WNT7B: variants seen among roughly 807,000 people sequenced by gnomAD.
The protein encoded by WNT7B is protein Wnt-7b.
WNT7B carries 19 observed loss-of-function variants against 38.2 expected under a neutral mutation model. That is an observed-to-expected ratio of 0.50 (90% confidence interval 0.35 to 0.73). WNT7B has a LOEUF of 0.73. WNT7B is among the 30% of genes least tolerant of loss of function. WNT7B has a pLI of 0.01. For synonymous variants in WNT7B, 243 were observed against 209.3 expected, an observed-to-expected ratio of 1.16 and a Z score of -1.39; for missense variants, 423 against 507.9, an observed-to-expected ratio of 0.83 and a Z score of 1.61.
At chr22:45,959,361 C>T (rs987735568) in intron 1 of WNT7B, among the ~76,000 whole-genome samples, 4 of 152,136 alleles carry the variant, frequency 2.6e-5, no homozygotes, top group Non-Finnish European at 5.9e-5. Context: ...CCACGGTCCA[C>T]GTCAGGGCCC....
At chr22:45,963,475 G>T (rs1932241105) in intron 1 of WNT7B, among the ~76,000 whole-genome samples, 1 of 152,156 alleles carries the variant, frequency 6.6e-6, no homozygotes, top group African/African-American at 2.4e-5. Flanking sequence ...GTGGCCCGAG[G>T]TCCTGAGTGC....
rs758319832 is a variant in WNT7B, at chr22:45,922,834, G to A, written c.*22C>T. 27 of 1,576,878 alleles carry A rather than the reference G, an allele frequency of 1.7e-5. No individual in the cohort carries two copies. Among genetic ancestry groups the A allele is most frequent in the African/African-American group, 6.7e-5 (5 of 74,256 alleles). On this transcript the variant is annotated 3_prime_UTR_variant, in exon 4 of 4. Transcript: ENST00000339464. ...AATGCCGCCGGGTTCCAGGGTGCCC[G>A]CGGCCGCCTCCGGGCCTGGCCTCAC...
chr22:45,925,494 GGGCCAA>G, intron 3 of WNT7B: 1 of 985,294 alleles, frequency 1.0e-6, no homozygotes, highest in Non-Finnish European at 1.2e-6. Context: ...AGGGGCATCT[GGGCCAA>G]GGTCATGGGC....
Position 45,923,039 on chromosome 22 carries a change from C to A in WNT7B, c.867G>T (p.Thr289=), listed in dbSNP as rs536947382. The change falls in exon 4 of 4, where the codon ACG becomes ACT. Residue 289 remains threonine, a synonymous_variant. Coordinates refer to ENST00000339464, the MANE Select transcript of WNT7B (RefSeq NM_058238.3). ...EEDAATGSVG[T]QGRLCNRTSP... ...ACGTGCGGTTGCAGAGACGGCCCTG[C>A]GTGCCCACGCTGCCCGTGGCCGCGT... 6 of 1,612,612 alleles carry A rather than the reference C, an allele frequency of 3.7e-6. No homozygotes were observed. Among genetic ancestry groups the A allele is most frequent in the Non-Finnish European group, 5.1e-6 (6 of 1,179,510 alleles).
intron 1 of WNT7B, among the ~76,000 whole-genome samples, chr22:45,967,764 C>T (rs1481313027): frequency 6.6e-6 from 1 of 152,142 alleles, no homozygotes; most frequent in African/African-American, 2.4e-5. Context: ...CACTGTGTCC[C>T]CAGAGGAGCC....
intron 3 of WNT7B, chr22:45,927,286 T>C: frequency 2.0e-6 from 2 of 985,270 alleles, no homozygotes; most frequent in Non-Finnish European, 1.2e-6. Flanking sequence ...CGGCAGCCCA[T>C]TAAAGGTCAC....
Position 45,973,462 on chromosome 22 carries a change from G to A in WNT7B, c.71+3222C>T, listed in dbSNP as rs190672687. Among the ~76,000 whole-genome samples, 823 of 152,304 alleles carry A rather than the reference G, an allele frequency of 5.4e-3. 5 individuals carry two copies. Among genetic ancestry groups the A allele is most frequent in the Admixed American group, 9.6e-3 (147 of 15,306 alleles). ...GTGGAGGCTCATCATCCAGGAGGAA[G>A]CAGCCACTTCCTCCACCTTCATCCC... On this transcript the variant is annotated intron_variant, in intron 1 of 3. Coordinates refer to ENST00000339464, the MANE Select transcript of WNT7B (RefSeq NM_058238.3).
chr22:45,952,939 T>A (rs1463096557), intron 1 of WNT7B, among the ~76,000 whole-genome samples: 7 of 152,226 alleles, frequency 4.6e-5, no homozygotes, highest in Admixed American at 4.6e-4. Context: ...CCCAGCTGTG[T>A]CTGCTGGTCC....
intron 2 of WNT7B, among the ~76,000 whole-genome samples, 183 bp from the exon 3 acceptor site, chr22:45,931,552 C>T (rs1931360721): frequency 6.6e-6 from 1 of 152,186 alleles, no homozygotes; most frequent in African/African-American, 2.4e-5. Context: ...TCTCTCAGGG[C>T]TATGGTAGGG....
At chr22:45,935,784 C>T (rs776315788) in intron 2 of WNT7B, 17 of 981,340 alleles carry the variant, frequency 1.7e-5, no homozygotes, top group African/African-American at 1.2e-4. Context: ...GAAAACCGAG[C>T]CTTCAAAGCA....
At chr22:45,957,918 C>G (rs1932110475) in intron 1 of WNT7B, among the ~76,000 whole-genome samples, 1 of 152,206 alleles carries the variant, frequency 6.6e-6, no homozygotes, top group Non-Finnish European at 1.5e-5. Flanking sequence ...CTGTGCCCAT[C>G]AGCCAGCCTG....
intron 1 of WNT7B, among the ~76,000 whole-genome samples, chr22:45,955,021 G>A (rs918393934): frequency 2.6e-5 from 4 of 152,268 alleles, no homozygotes; most frequent in South Asian, 4.1e-4. Flanking sequence ...TGGGACACAC[G>A]CTGGAACATG....
intron 2 of WNT7B, among the ~76,000 whole-genome samples, chr22:45,934,967 T>C (rs548645246): frequency 6.6e-6 from 1 of 152,338 alleles, no homozygotes; most frequent in Non-Finnish European, 1.5e-5. Flanking sequence ...TTGTCTGGTT[T>C]AATTCTCACA....
chr22:45,975,834 C>A lies in WNT7B; in HGVS notation c.71+850G>T. 3.5e-6 allele frequency: 1 copy of A among 289,422 alleles called. No homozygotes were observed. Among genetic ancestry groups the A allele is most frequent in the Non-Finnish European group, 6.3e-6 (1 of 158,084 alleles). 17.9% of individuals were successfully genotyped at this position (289,422 alleles called of 1,614,324 possible). On this transcript the variant is annotated intron_variant, in intron 1 of 3. Transcript: ENST00000339464. The surrounding 1 kb of genome is among the most constrained non-coding windows in gnomAD (Gnocchi z 6.6). ...CGCCCCAGGCGAGGTGCACCGCACC[C>A]CCTCTCCGTCACGCCGTTTCTCCAC...
In WNT7B at chr22:45,951,837, ATGAACGTGCGGGTAAGG is replaced by A. The variant is rs1342791518; in HGVS notation, c.72-1708_72-1692del. Among the ~76,000 whole-genome samples, 7 of 152,200 alleles carry A rather than the reference ATGAACGTGCGGGTAAGG, an allele frequency of 4.6e-5. 1 individual carries two copies. Among genetic ancestry groups the A allele is most frequent in the Admixed American group, 6.5e-5 (1 of 15,290 alleles). On this transcript the variant is annotated intron_variant, in intron 1 of 3. Transcript: ENST00000339464. The surrounding 1 kb of genome is among the most constrained non-coding windows in gnomAD (Gnocchi z 4.8). ...TTGGACTACTGTGAGTGATGCCGCC[ATGAACGTGCGGGTAAGG>A]TTTCTGTTTGAGCCTGTTTTCAGTC...
intron 3 of WNT7B, chr22:45,925,862 C>T (rs767861605): frequency 1.7e-5 from 17 of 985,410 alleles, no homozygotes; most frequent in South Asian, 9.4e-5. Flanking sequence ...CAGGCCTGTC[C>T]AGACTAGAGG....
Position 45,953,821 on chromosome 22 carries a change from G to A in WNT7B, c.72-3675C>T, listed in dbSNP as rs115205004. 7.0e-3 allele frequency among the ~76,000 whole-genome samples: 1,071 copies of A among 152,234 alleles called. 16 individuals are homozygous for A. Among genetic ancestry groups the A allele is most frequent in the African/African-American group, 0.025 (1,020 of 41,538 alleles). ...ACCCTCACACATTGACGATAGGAGC[G>A]GACAATGGTATAGCCACTGTAGACA... is the stretch of plus-strand genomic sequence containing the variant. On this transcript the variant is annotated intron_variant, in intron 1 of 3. Transcript: ENST00000339464.
chr22:45,929,928 C>T (rs1314424607), intron 3 of WNT7B, among the ~76,000 whole-genome samples: 1 of 92,514 alleles, frequency 1.1e-5, no homozygotes, highest in African/African-American at 4.3e-5. Context: ...ATCCTCCCAT[C>T]CACCCACTCA....
rs1479034406 is a variant in WNT7B at position 45,965,665 on chromosome 22, C to T, written c.71+11019G>A. Among the ~76,000 whole-genome samples, 2 of 152,212 alleles carry T rather than the reference C, an allele frequency of 1.3e-5. No homozygotes were observed. Among genetic ancestry groups the T allele is most frequent in the African/African-American group, 4.8e-5 (2 of 41,446 alleles). Reference sequence around the variant, plus strand: ...GCTGGCCAGGCTGGTCTCAGAGCTCCTGGGTCAGGGGCGAAAGCAGGACAA... The same window carrying T: ...GCTGGCCAGGCTGGTCTCAGAGCTCTTGGGTCAGGGGCGAAAGCAGGACAA... On this transcript the variant is annotated intron_variant, in intron 1 of 3. Transcript: ENST00000339464. This position sits in a 1 kb window ranked among gnomAD's most constrained non-coding sequence, Gnocchi z 6.5.
Sources: allele counts gnomAD v4.1 joint callset (sites outside exome capture counted in the v4.1 genomes callset), GRCh38; gene constraint gnomAD v4.1.1; non-coding constraint Gnocchi (gnomAD v3.1); transcripts MANE v1.5; gene names NCBI Gene and HGNC (gene_info 2026-07-23, HGNC 2026-07-21).